Variants in CDH8 observed in about 807,000 individuals in gnomAD.
CDH8 encodes cadherin 8.
CDH8 carries 17 observed loss-of-function variants against 68.1 expected under a neutral mutation model. That is an observed-to-expected ratio of 0.25 (90% CI 0.17 to 0.37). CDH8 has a LOEUF of 0.37. Among genes scored for constraint, CDH8 ranks in the 10% least tolerant of loss-of-function variants. CDH8 has a pLI of 1.00. For missense variants in CDH8, 763 were observed against 999.3 expected (o/e 0.76, Z 3.19); for synonymous variants, 372 against 365.1 (o/e 1.02, Z -0.21).
At chr16:61,740,546 TA>T (rs1959842628) in intron 8 of CDH8, among the ~76,000 whole-genome samples, 1 of 152,174 alleles carries the variant, frequency 6.6e-6, no homozygotes, top group African/African-American at 2.4e-5. Context: ...GCCTTTCATT[TA>T]CCCCCTTCCA....
intron 2 of CDH8, among the ~76,000 whole-genome samples, chr16:61,926,471 G>C (rs1964458696): frequency 6.6e-6 from 1 of 152,030 alleles, no homozygotes; most frequent in Non-Finnish European, 1.5e-5. Context: ...CTGTGTCCTT[G>C]TTAGCTATTT....
chr16:61,789,384 C>G lies in CDH8; in HGVS notation c.1376G>C (p.Ser459Thr), dbSNP rs1272069543. 1 of 1,613,012 alleles carries G rather than the reference C, an allele frequency of 6.2e-7. No homozygotes were observed. The highest frequency in any genetic ancestry group is 1.3e-5 in the African/African-American group (1 of 74,954). Residue 459 changes from serine to threonine, a missense_variant, in exon 8 of 12, where the codon AGT becomes ACT. Physicochemically the swap from Ser to Thr is moderately conservative, Grantham distance 58. This residue lies in a region of CDH8 where 397 missense variants were observed against 436.2 expected (regional missense o/e 0.91). Transcript: ENST00000577390. Reference protein sequence around the residue: ...TLATPLDRELSVWHNITIIAT... With the variant: ...TLATPLDRELTVWHNITIIAT... ...AATGATTGTTATGTTGTGCCATACA[C>G]TTAATTCTCTGTCAAGTGGTGTTGC...
chr16:61,804,270 C>T (rs975330658), intron 7 of CDH8, among the ~76,000 whole-genome samples: 22 of 151,984 alleles, frequency 1.4e-4, no homozygotes, highest in East Asian at 7.8e-4. Flanking sequence ...TTAAAACCAA[C>T]GAGAACAAAG....
chr16:62,028,357 C>A (rs1304297695), intron 1 of CDH8, among the ~76,000 whole-genome samples: 2 of 151,992 alleles, frequency 1.3e-5, no homozygotes, highest in Admixed American at 6.6e-5. Context: ...CGTGAGCCAC[C>A]GCGACCGGCC....
At chr16:61,883,732 G>A (rs2143146290) in intron 3 of CDH8, among the ~76,000 whole-genome samples, 1 of 151,520 alleles carries the variant, frequency 6.6e-6, no homozygotes, top group African/African-American at 2.4e-5. Flanking sequence ...TCTGACCAAG[G>A]AAAGTAGCAG....
intron 2 of CDH8, among the ~76,000 whole-genome samples, chr16:61,999,084 T>C (rs1419246568): frequency 2.6e-5 from 4 of 152,206 alleles, no homozygotes; most frequent in African/African-American, 9.6e-5. Context: ...CTCTTCATTA[T>C]CTGATTATAA....
At chr16:62,000,619 A>T (rs1965879213) in intron 2 of CDH8, among the ~76,000 whole-genome samples, 1 of 152,226 alleles carries the variant, frequency 6.6e-6, no homozygotes, top group African/African-American at 2.4e-5. Flanking sequence ...ATAAACATTT[A>T]CTTTGAACCC....
chr16:61,883,113 G>A (rs1963607882), intron 3 of CDH8, among the ~76,000 whole-genome samples: 1 of 152,106 alleles, frequency 6.6e-6, no homozygotes, highest in Admixed American at 6.5e-5. Flanking sequence ...TGTGCTCCTT[G>A]GAGGCAGGTA....
intron 2 of CDH8, among the ~76,000 whole-genome samples, chr16:61,949,391 G>T (rs1172676399): frequency 1.3e-5 from 2 of 152,146 alleles, no homozygotes; most frequent in African/African-American, 4.8e-5. Context: ...GGACCAATCA[G>T]CAGGAAGTGG....
At chr16:61,928,556 T>C (rs1964490815) in intron 2 of CDH8, among the ~76,000 whole-genome samples, 1 of 152,130 alleles carries the variant, frequency 6.6e-6, no homozygotes, top group African/African-American at 2.4e-5. Context: ...ACTGCACCCC[T>C]AGCCACTGAG....
intron 7 of CDH8, among the ~76,000 whole-genome samples, 153 bp downstream of exon 7, chr16:61,817,312 CCACACACACACACA>C (rs3833039): frequency 6.8e-6 from 1 of 148,086 alleles, no homozygotes; most frequent in East Asian, 2.0e-4. Context: ...CGTGTACACA[CCACACACACACACA>C]CACACACACA....
At chr16:61,702,283 A>T (rs1420994853) in intron 10 of CDH8, among the ~76,000 whole-genome samples, 1 of 152,170 alleles carries the variant, frequency 6.6e-6, no homozygotes, top group Non-Finnish European at 1.5e-5. Context: ...GAGGCAGGAG[A>T]ATGGCGTGAG....
At chr16:61,735,389 G>A (rs1162201126) in intron 8 of CDH8, among the ~76,000 whole-genome samples, 1 of 152,052 alleles carries the variant, frequency 6.6e-6, no homozygotes, top group African/African-American at 2.4e-5. Context: ...ATGTGGTTGT[G>A]CATAATTATT....
At chr16:61,776,069 A>G (rs2142991152) in intron 8 of CDH8, among the ~76,000 whole-genome samples, 1 of 152,242 alleles carries the variant, frequency 6.6e-6, no homozygotes, top group South Asian at 2.1e-4. Context: ...GGAATGTAAG[A>G]GTTGGCAAGC....
chr16:61,698,498 T>C (rs1001608555), intron 10 of CDH8, among the ~76,000 whole-genome samples: 2 of 152,196 alleles, frequency 1.3e-5, no homozygotes, highest in Non-Finnish European at 2.9e-5. Context: ...TGACAGACCA[T>C]GCCTTCCCCA....
chr16:61,931,030 A>G (rs1426692769), intron 2 of CDH8, among the ~76,000 whole-genome samples: 2 of 152,240 alleles, frequency 1.3e-5, no homozygotes, highest in Admixed American at 6.5e-5. Context: ...CTGAATAGTC[A>G]TGTCAAAGAC....
intron 2 of CDH8, among the ~76,000 whole-genome samples, chr16:61,961,593 C>T (rs1310386846): frequency 2.0e-5 from 3 of 152,146 alleles, no homozygotes; most frequent in African/African-American, 7.2e-5. Flanking sequence ...GTTTCCTCTT[C>T]ACGGAAGAAT....
intron 3 of CDH8, among the ~76,000 whole-genome samples, chr16:61,874,033 G>A (rs1963417451): frequency 1.3e-5 from 2 of 151,984 alleles, no homozygotes. Flanking sequence ...TCCAGCCTGG[G>A]GCAACAGAGT....
chr16:61,881,673 T>C (rs935407215), intron 3 of CDH8, among the ~76,000 whole-genome samples: 2 of 152,220 alleles, frequency 1.3e-5, no homozygotes, highest in African/African-American at 4.8e-5. Context: ...AAATATCACA[T>C]GCCAAGCACA....
Sources: gnomAD v4.1 joint callset for allele counts (sites outside exome capture counted in the v4.1 genomes callset) on GRCh38, gnomAD v4.1.1 for gene constraint, gnomAD v4.1.1 regional missense constraint, MANE v1.5 for transcripts, NCBI Gene and HGNC (gene_info 2026-07-23, HGNC 2026-07-21) for gene names.